The following BICD1 variants were observed in gnomAD, a reference collection of about 807,000 sequenced individuals.
BICD1 encodes protein bicaudal D homolog 1.
Under a neutral mutation model 92.5 loss-of-function variants are expected in BICD1, and 35 were observed. That is an observed-to-expected ratio of 0.38 (90% CI 0.29 to 0.50). The LOEUF (loss-of-function observed/expected upper bound fraction) is 0.50, where lower values mean the gene tolerates loss of function less well. BICD1 is among the 20% of genes least tolerant of loss of function. The pLI is 0.93. For missense variants in BICD1, 950 were observed against 1,189.8 expected (o/e 0.80, Z 2.97); for synonymous variants, 429 against 465.1 (o/e 0.92, Z 1.00).
At chr12:32,268,849 T>A (rs1041058349) in intron 2 of BICD1, among the ~76,000 whole-genome samples, 2 of 152,132 alleles carry the variant, frequency 1.3e-5, no homozygotes, top group African/African-American at 4.8e-5. Context: ...AGTTAATAAT[T>A]ATTATTGTAT....
intron 1 of BICD1, among the ~76,000 whole-genome samples, chr12:32,116,493 T>C (rs1478255427): frequency 6.8e-5 from 2 of 29,368 alleles, no homozygotes; most frequent in Non-Finnish European, 1.8e-4. Context: ...TCTCTCTCTT[T>C]CTCTCTCTCT....
intron 4 of BICD1, among the ~76,000 whole-genome samples, chr12:32,315,646 T>C (rs1948477870): frequency 6.6e-6 from 1 of 152,196 alleles, no homozygotes; most frequent in Non-Finnish European, 1.5e-5. Context: ...CTTTCAACAA[T>C]GCTTTATAAT....
At chr12:32,247,297 T>A (rs1946414434) in intron 2 of BICD1, among the ~76,000 whole-genome samples, 1 of 150,920 alleles carries the variant, frequency 6.6e-6, no homozygotes, top group African/African-American at 2.4e-5. Context: ...GGTAATTGGA[T>A]ACACAAGTCT....
At chr12:32,339,132 G>C (rs1170944116) in intron 8 of BICD1, 153 bp downstream of exon 8, 4 of 1,344,732 alleles carry the variant, frequency 3.0e-6, no homozygotes, top group Non-Finnish European at 3.8e-6. Flanking sequence ...CTTACACTTA[G>C]CTTCCCATTT....
chr12:32,348,805 G>A (rs1938748680), intron 8 of BICD1, among the ~76,000 whole-genome samples: 1 of 116,416 alleles, frequency 8.6e-6, no homozygotes, highest in Non-Finnish European at 1.8e-5. Flanking sequence ...CAAGCTGAAA[G>A]AGACATTACT....
At chr12:32,364,175 G>A (rs57740269) in intron 8 of BICD1, among the ~76,000 whole-genome samples, 1 of 152,128 alleles carries the variant, frequency 6.6e-6, no homozygotes, top group Non-Finnish European at 1.5e-5. Context: ...TTAGTAACTT[G>A]ACTGTTGAAT....
intron 8 of BICD1, chr12:32,340,200 A>G: frequency 5.1e-6 from 5 of 985,396 alleles, no homozygotes; most frequent in Non-Finnish European, 6.0e-6. Context: ...GGATTAAAAG[A>G]TGTGGTGTAG....
chr12:32,151,837 C>T (rs1207450469), intron 1 of BICD1, among the ~76,000 whole-genome samples: 1 of 152,196 alleles, frequency 6.6e-6, no homozygotes. Flanking sequence ...TTCCCTACCC[C>T]CAGTTTCCCT....
At chr12:32,311,833 G>T (rs1948389643) in intron 4 of BICD1, among the ~76,000 whole-genome samples, 1 of 152,156 alleles carries the variant, frequency 6.6e-6, no homozygotes, top group South Asian at 2.1e-4. Context: ...CGGGGAAAGG[G>T]GATTCTCTAC....
intron 4 of BICD1, among the ~76,000 whole-genome samples, chr12:32,319,246 G>A (rs542975766): frequency 3.3e-5 from 5 of 152,122 alleles, no homozygotes; most frequent in South Asian, 2.1e-4. Flanking sequence ...CCCTTTATCC[G>A]GGTGAGGGAG....
chr12:32,142,983 C>A (rs1185088568), intron 1 of BICD1, among the ~76,000 whole-genome samples: 1 of 152,204 alleles, frequency 6.6e-6, no homozygotes, highest in Non-Finnish European at 1.5e-5. Context: ...TCTCTCTTCT[C>A]AACCTATTCC....
At chr12:32,346,554 A>G (rs934709743) in intron 8 of BICD1, among the ~76,000 whole-genome samples, 15 of 27,870 alleles carry the variant, frequency 5.4e-4, no homozygotes, top group East Asian at 3.9e-3. Context: ...ATATATATAT[A>G]TATATATATA....
Position 32,294,120 on chromosome 12 carries a change from C to T in BICD1, c.553C>T (p.Leu185=), listed in dbSNP as rs141945287. Residue 185 remains leucine, a synonymous_variant, in exon 3 of 10, where the codon CTA becomes TTA. Transcript: ENST00000652176. ...LEEENITLQK[L]VSTLKQNQVE... is the part of the protein sequence containing the mutation. The stretch of plus-strand genomic sequence containing the variant: ...AGAAGAAAATATCACATTGCAGAAA[C>T]TAGTGTCCACGTTGAAGCAGAACCA... The T allele has an allele frequency of 3.1e-5, 49 of 1,605,920 alleles. No homozygotes were observed. Among genetic ancestry groups the T allele is most frequent in the Admixed American group, 8.7e-5 (5 of 57,146 alleles).
At chr12:32,361,876 G>A (rs1012837351) in intron 8 of BICD1, among the ~76,000 whole-genome samples, 2 of 152,188 alleles carry the variant, frequency 1.3e-5, no homozygotes, top group Admixed American at 6.5e-5. Context: ...ACTACTCATC[G>A]TGGCTGGGTT....
At chr12:32,140,806 G>C (rs1942896075) in intron 1 of BICD1, among the ~76,000 whole-genome samples, 1 of 77,646 alleles carries the variant, frequency 1.3e-5, no homozygotes, top group Non-Finnish European at 2.7e-5. Flanking sequence ...CGTGTGTGTA[G>C]TTTTGGCATT....
intron 2 of BICD1, among the ~76,000 whole-genome samples, chr12:32,277,265 G>C (rs568602700): frequency 6.6e-6 from 1 of 152,072 alleles, no homozygotes; most frequent in South Asian, 2.1e-4. Context: ...ATGGTGGCAC[G>C]CACCTGTAAT....
chr12:32,140,354 T>C (rs1228080114), intron 1 of BICD1, among the ~76,000 whole-genome samples: 1 of 152,250 alleles, frequency 6.6e-6, no homozygotes, highest in Non-Finnish European at 1.5e-5. Context: ...ATTACTTCTT[T>C]CACTGGCTTC....
chr12:32,139,858 C>G (rs779014391), intron 1 of BICD1, among the ~76,000 whole-genome samples: 2 of 152,158 alleles, frequency 1.3e-5, no homozygotes, highest in South Asian at 4.1e-4. Flanking sequence ...CCGCTCCTGG[C>G]CTGGGCACAG....
intron 8 of BICD1, among the ~76,000 whole-genome samples, chr12:32,342,497 C>T (rs1938421520): frequency 6.6e-6 from 1 of 151,812 alleles, no homozygotes; most frequent in Admixed American, 6.6e-5. Flanking sequence ...CATGATCCGC[C>T]ATCTCGGCCT....
Sources: gnomAD v4.1 joint callset for allele counts (sites outside exome capture counted in the v4.1 genomes callset) on GRCh38, gnomAD v4.1.1 for gene constraint, MANE v1.5 for transcripts, NCBI Gene and HGNC (gene_info 2026-07-23, HGNC 2026-07-21) for gene names.